Variants in ZBTB44 observed in about 807,000 individuals in gnomAD.
ZBTB44 encodes zinc finger and BTB domain-containing protein 44.
In ZBTB44, 15 loss-of-function variants were observed where a neutral mutation model predicts 54.0. The ratio of observed to expected loss-of-function variants is 0.28; its 90% CI spans 0.19 to 0.43. ZBTB44 has a LOEUF of 0.43. ZBTB44 is among the 20% of genes least tolerant of loss of function. The probability of loss-of-function intolerance (pLI) is 1.00; values close to 1 mark genes in which losing one functional copy is unlikely to be tolerated. For synonymous variants in ZBTB44, 230 were observed against 250.1 expected, an observed-to-expected ratio of 0.92 and a Z score of 0.76; for missense variants, 487 against 707.1, an observed-to-expected ratio of 0.69 and a Z score of 3.53.
intron 1 of ZBTB44, among the ~76,000 whole-genome samples, chr11:130,284,483 T>C (rs1180220189): frequency 6.6e-6 from 1 of 152,198 alleles, no homozygotes; most frequent in African/African-American, 2.4e-5. Context: ...TGTCAGTTAT[T>C]AACGTCAGAG....
At position 130,314,496 on chromosome 11, in the gene ZBTB44, T is replaced by C; in HGVS notation, c.-178A>G. On this transcript the variant is annotated 5_prime_UTR_variant, in exon 1 of 8. Transcript: ENST00000357899. ...AGGGGGCGGAGCGCGGCTCGCTGCC[T>C]CTCTCCTCCCCCGGGAGGCTCAGGG... 1 of 149,526 alleles carries C rather than the reference T, an allele frequency of 6.7e-6. No homozygotes were observed. The highest frequency in any genetic ancestry group is 6.7e-5 in the Admixed American group (1 of 14,924). 9.3% of individuals were successfully genotyped at this position (149,526 alleles called of 1,614,324 possible).
Position 130,261,383 on chromosome 11 carries a change from G to T in ZBTB44, c.491C>A (p.Ser164Tyr), listed in dbSNP as rs1277827049. Reference protein sequence around the residue: ...TSRDGSISPVSSECSVVERTI... With the variant: ...TSRDGSISPVYSECSVVERTI... The stretch of plus-strand genomic sequence containing the variant: ...TCTTTCTACCACACTGCACTCTGAG[G>T]ACACGGGAGAAATGCTCCCATCTCG... The change falls in exon 2 of 8, where the codon TCC (serine) becomes TAC (tyrosine). Residue 164 changes from serine to tyrosine, a missense_variant. By Grantham distance (144) the Ser-to-Tyr change is moderately radical. This residue lies in a region of ZBTB44 where 277 missense variants were observed against 306.5 expected (regional missense o/e 0.90). Coordinates refer to ENST00000357899, the MANE Select transcript of ZBTB44 (RefSeq NM_001301098.2). This position sits in a 1 kb window ranked among gnomAD's most constrained non-coding sequence, Gnocchi z 4.8. 1 of 1,613,924 alleles carries T rather than the reference G, an allele frequency of 6.2e-7. No homozygotes were observed. The highest frequency in any genetic ancestry group is 1.1e-5 in the South Asian group (1 of 91,082).
chr11:130,273,478 A>G (rs945186143), intron 1 of ZBTB44, among the ~76,000 whole-genome samples: 10 of 151,588 alleles, frequency 6.6e-5, no homozygotes, highest in Admixed American at 6.6e-4. Flanking sequence ...ATGCCTGGCT[A>G]ATTTTTGTAT....
chr11:130,253,949 C>G (rs968591255), intron 2 of ZBTB44, among the ~76,000 whole-genome samples: 9 of 152,066 alleles, frequency 5.9e-5, no homozygotes, highest in Non-Finnish European at 1.0e-4. Flanking sequence ...ACAAACCTGA[C>G]AAAAACAAGA....
chr11:130,297,040 G>C (rs536190039), intron 1 of ZBTB44: 1 of 678,660 alleles, frequency 1.5e-6, no homozygotes, highest in East Asian at 2.6e-5. Context: ...TCCGATAGCA[G>C]GCAGCTCTCT....
intron 1 of ZBTB44, among the ~76,000 whole-genome samples, chr11:130,271,009 T>C (rs948437189): frequency 2.6e-5 from 4 of 152,196 alleles, no homozygotes; most frequent in African/African-American, 7.2e-5. Context: ...GGCACGTTGT[T>C]AGAAGCTTGG....
chr11:130,311,820 G>A (rs1446493399), intron 1 of ZBTB44, among the ~76,000 whole-genome samples: 1 of 152,080 alleles, frequency 6.6e-6, no homozygotes, highest in Non-Finnish European at 1.5e-5. Context: ...GATAAACCCT[G>A]GAGTAACTCG....
chr11:130,297,926 A>G (rs1437136840), intron 1 of ZBTB44, among the ~76,000 whole-genome samples: 5 of 152,236 alleles, frequency 3.3e-5, no homozygotes, highest in East Asian at 1.9e-4. Context: ...TATGTTTTTT[A>G]TAAGAAACAC....
rs1055568314 is a variant in ZBTB44, at chr11:130,231,299, C to A, written c.*465G>T. 2 of 151,850 alleles carry A rather than the reference C, an allele frequency of 1.3e-5. No homozygotes were observed. The highest frequency in any genetic ancestry group is 2.9e-5 in the Non-Finnish European group (2 of 67,928). The allele number at this position is 151,850 out of a possible 1,614,324, so 9.4% of individuals were successfully genotyped here. On this transcript the variant is annotated 3_prime_UTR_variant, in exon 8 of 8. Transcript: ENST00000357899. Reference sequence around the variant, plus strand: ...GTACATATATATCAAGAAAAATGTACCCTCACTGAAATAGAAAAAGGCCTT... The same window carrying A: ...GTACATATATATCAAGAAAAATGTAACCTCACTGAAATAGAAAAAGGCCTT...
At chr11:130,242,582 A>T (rs1231558439) in intron 2 of ZBTB44, among the ~76,000 whole-genome samples, 1 of 152,164 alleles carries the variant, frequency 6.6e-6, no homozygotes, top group Non-Finnish European at 1.5e-5. Flanking sequence ...TATTTTTCAA[A>T]TATAATTCAT....
At position 130,261,482 on chromosome 11, in the gene ZBTB44, T is replaced by C. The variant is rs753110479; in HGVS notation, c.392A>G (p.Asn131Ser). The C allele has an allele frequency of 1.2e-5, 20 of 1,613,890 alleles. No homozygotes were observed. In the East Asian group the frequency reaches 3.6e-4, roughly 29 times the overall value. ...CTTTTCAGGTTGGCTGTTGGGTGTA[T>C]TCCATAAAATGCTTGATTTCATGAA... ...SEFMKSSILW[N>S]TPNSQPEKGL... Residue 131 changes from asparagine (N) to serine (S), a missense_variant, in exon 2 of 8, where the codon AAT (asparagine) becomes AGT (serine). Physicochemically the swap from Asn to Ser is conservative, Grantham distance 46. Transcript: ENST00000357899. The surrounding 1 kb of genome is among the most constrained non-coding windows in gnomAD (Gnocchi z 4.8).
chr11:130,313,113 A>G (rs1370531447), intron 1 of ZBTB44, among the ~76,000 whole-genome samples: 2 of 152,200 alleles, frequency 1.3e-5, no homozygotes, highest in African/African-American at 4.8e-5. Flanking sequence ...ACTTCTATTG[A>G]GAAGTACGGT....
At chr11:130,276,392 G>A (rs961591847) in intron 1 of ZBTB44, among the ~76,000 whole-genome samples, 21 of 151,074 alleles carry the variant, frequency 1.4e-4, no homozygotes, top group African/African-American at 4.6e-4. Context: ...GGTTTATAGC[G>A]TCTATTTACT....
intron 1 of ZBTB44, among the ~76,000 whole-genome samples, chr11:130,295,092 GA>G (rs1330056860): frequency 6.6e-6 from 1 of 152,038 alleles, no homozygotes; most frequent in African/African-American, 2.4e-5. Flanking sequence ...ACCTGCCAAT[GA>G]AAAACTCCTG....
intron 1 of ZBTB44, among the ~76,000 whole-genome samples, chr11:130,266,862 G>C (rs1939284565): frequency 6.6e-6 from 1 of 151,700 alleles, no homozygotes; most frequent in Non-Finnish European, 1.5e-5. Context: ...AAGATACTAG[G>C]AACACTGTTG....
intron 1 of ZBTB44, among the ~76,000 whole-genome samples, chr11:130,278,386 C>A (rs1940260693): frequency 6.6e-6 from 1 of 152,226 alleles, no homozygotes. Context: ...ACGGTTTCTA[C>A]TGAATGCTTT....
intron 1 of ZBTB44, chr11:130,295,956 C>T (rs1192516006): frequency 5.2e-6 from 8 of 1,532,690 alleles, no homozygotes; most frequent in Non-Finnish European, 6.3e-6. Flanking sequence ...ATGGGATCAA[C>T]ATCACTGTGG....
At chr11:130,303,266 AAG>A (rs1209878422) in intron 1 of ZBTB44, among the ~76,000 whole-genome samples, 2 of 152,234 alleles carry the variant, frequency 1.3e-5, no homozygotes, top group African/African-American at 4.8e-5. Flanking sequence ...ACACGTTGCC[AAG>A]ATGTTTGTAG....
At chr11:130,243,641 G>A (rs1356505948) in intron 2 of ZBTB44, among the ~76,000 whole-genome samples, 2 of 152,332 alleles carry the variant, frequency 1.3e-5, no homozygotes, top group East Asian at 1.9e-4. Context: ...CAATGCACAT[G>A]AGCATGCTTT....
Sources: allele counts gnomAD v4.1 joint callset (sites outside exome capture counted in the v4.1 genomes callset), GRCh38; gene constraint gnomAD v4.1.1; regional missense constraint gnomAD v4.1.1; non-coding constraint Gnocchi (gnomAD v3.1); transcripts MANE v1.5; gene names NCBI Gene and HGNC (gene_info 2026-07-23, HGNC 2026-07-21).